The following RSPH4A variants were observed in gnomAD, a reference collection of about 807,000 sequenced individuals.
RSPH4A encodes radial spoke head component 4A.
In RSPH4A, 47 loss-of-function variants were observed where a neutral mutation model predicts 71.0. The observed-to-expected ratio is 0.66, with a 90% CI of 0.52 to 0.84. The LOEUF is 0.84. Among genes scored for constraint, RSPH4A ranks in the 40% least tolerant of loss-of-function variants. The pLI is 0.00. For synonymous variants in RSPH4A, 282 were observed against 302.3 expected, an observed-to-expected ratio of 0.93 and a Z score of 0.70; for missense variants, 793 against 855.2, an observed-to-expected ratio of 0.93 and a Z score of 0.91.
At chr6:116,619,867 T>C (rs1246831474) in intron 1 of RSPH4A, among the ~76,000 whole-genome samples, 3 of 152,126 alleles carry the variant, frequency 2.0e-5, no homozygotes, top group Non-Finnish European at 4.4e-5. Context: ...TACAGGCGCC[T>C]GCCACCACAC....
chr6:116,622,715 T>C, intron 1 of RSPH4A, 53 bp from the exon 2 acceptor site: 2 of 1,187,916 alleles, frequency 1.7e-6, no homozygotes, highest in South Asian at 2.5e-5. Context: ...GAAAAATGCT[T>C]CTTCAAATGC....
chr6:116,616,965 G>C lies in RSPH4A; in HGVS notation c.342G>C (p.Thr114=). ...LAAPPQSDRT[T]SVIPEAGTPY... ...CACCACCTCAGTCGGACAGGACCAC[G>C]AGTGTGATTCCTGAAGCTGGGACAC... is the stretch of plus-strand genomic sequence containing the variant. Residue 114 remains threonine, a synonymous_variant, in exon 1 of 6, where the codon ACG becomes ACC. Coordinates refer to ENST00000229554, the MANE Select transcript of RSPH4A (RefSeq NM_001010892.3). The C allele has an allele frequency of 1.2e-6, 2 of 1,614,206 alleles. No individual in the cohort carries two copies. The highest frequency in any genetic ancestry group is 1.7e-6 in the Non-Finnish European group (2 of 1,180,024).
chr6:116,630,870 T>TTTTTTTTTC (rs1554249740), intron 5 of RSPH4A, among the ~76,000 whole-genome samples: 9 of 144,804 alleles, frequency 6.2e-5, no homozygotes, highest in Admixed American at 1.4e-4. Flanking sequence ...TTTTTTTTTT[T>TTTTTTTTTC]AGTAGAGACA....
At chr6:116,623,135 G>A (rs1775639760) in intron 2 of RSPH4A, 133 bp downstream of exon 2, 4 of 691,978 alleles carry the variant, frequency 5.8e-6, no homozygotes, top group Non-Finnish European at 1.0e-5. Flanking sequence ...GTTTAGACAG[G>A]CTCCCAGGCT....
chr6:116,632,555 T>C lies in RSPH4A; in HGVS notation c.*114T>C, dbSNP rs1336912283. On this transcript the variant is annotated 3_prime_UTR_variant, in exon 6 of 6. Transcript: ENST00000229554. ...TGTATATACATACACATGTAAGAAA[T>C]TATTCAACTGCAAAATCTCAATCTT... 1.5e-6 allele frequency: 2 copies of C among 1,297,492 alleles called. No homozygotes were observed. Among genetic ancestry groups the C allele is most frequent in the African/African-American group, 3.0e-5 (2 of 66,484 alleles). 80.4% of individuals were successfully genotyped at this position (1,297,492 alleles called of 1,614,324 possible).
rs984700999 is a variant in RSPH4A at position 116,632,643 on chromosome 6, G to A, written c.*202G>A. On this transcript the variant is annotated 3_prime_UTR_variant, in exon 6 of 6. Transcript: ENST00000229554. ...GCATTTTTATTGAAAGATACTCACA[G>A]GATTTTCCAGAGGCTAAATAACATG... 21 of 614,140 alleles carry A rather than the reference G, an allele frequency of 3.4e-5. No individual in the cohort carries two copies. Among genetic ancestry groups the A allele is most frequent in the African/African-American group, 5.6e-5 (3 of 53,746 alleles). 38.0% of individuals were successfully genotyped at this position (614,140 alleles called of 1,614,324 possible). A position where few individuals can be genotyped will look rare whatever the true frequency, so the allele number is the denominator to read the frequency against.
At position 116,628,319 on chromosome 6, in the gene RSPH4A, G is replaced by A. The variant is rs781115306; in HGVS notation, c.1612G>A (p.Val538Ile). Residue 538 changes from valine to isoleucine, a missense_variant, in exon 3 of 6, where the codon GTA becomes ATA. Coordinates refer to ENST00000229554, the MANE Select transcript of RSPH4A (RefSeq NM_001010892.3). ...DFEGIQVIDLVESLSNWVHHV... is the reference protein window; with the variant it reads ...DFEGIQVIDLIESLSNWVHHV... ...TGAAGGCATCCAAGTGATTGATCTA[G>A]TAGAATCCCTATCCAATTGGGTTCA... The A allele has an allele frequency of 1.2e-6, 2 of 1,612,924 alleles. No homozygotes were observed. Among genetic ancestry groups the A allele is most frequent in the South Asian group, 1.1e-5 (1 of 90,964 alleles).
rs771315690 is a variant in RSPH4A at position 116,628,254 on chromosome 6, C to T, written c.1547C>T (p.Ala516Val). 28 of 1,611,694 alleles carry T rather than the reference C, an allele frequency of 1.7e-5. No homozygotes were observed. The Middle Eastern group carries it at 9.9e-4, about 57-fold the overall frequency. The change falls in exon 3 of 6, where the codon GCA becomes GTA. Residue 516 changes from alanine to valine, a missense_variant. Ala to Val is a moderately conservative substitution (Grantham distance 64). Coordinates refer to ENST00000229554, the MANE Select transcript of RSPH4A (RefSeq NM_001010892.3). Reference sequence around the variant, plus strand: ...GAGGAAGGAGAGGAGGAGGAAGAGGCAGAAGGTGGGCGAAATAGCTTTGAG... The same window carrying T: ...GAGGAAGGAGAGGAGGAGGAAGAGGTAGAAGGTGGGCGAAATAGCTTTGAG... ...GEEEGEEEEE[A>V]EGGRNSFEEN...
intron 1 of RSPH4A, among the ~76,000 whole-genome samples, chr6:116,618,402 C>A (rs1421140393): frequency 1.3e-5 from 2 of 152,200 alleles, no homozygotes; most frequent in East Asian, 3.8e-4. Flanking sequence ...ATTTTGTATA[C>A]CACTATATAC....
Position 116,632,243 on chromosome 6 carries a change from G to A in RSPH4A, c.1953G>A (p.Lys651=). The A allele has an allele frequency of 1.2e-6, 2 of 1,611,778 alleles. No homozygotes were observed. Among genetic ancestry groups the A allele is most frequent in the South Asian group, 1.1e-5 (1 of 90,994 alleles). The part of the protein sequence containing the change: ...FENFYIGWGH[K]YSPDNYTPPV... ...ATTTCTACATAGGCTGGGGTCATAA[G>A]TATAGTCCAGACAATTATACACCCC... Residue 651 remains lysine, a synonymous_variant, in exon 6 of 6, where the codon AAG becomes AAA. Transcript: ENST00000229554.
intron 2 of RSPH4A, among the ~76,000 whole-genome samples, chr6:116,627,334 G>A (rs1775712912): frequency 6.6e-6 from 1 of 152,066 alleles, no homozygotes; most frequent in South Asian, 2.1e-4. Flanking sequence ...CAAGTAGCTG[G>A]GACTACAGGC....
chr6:116,620,378 T>G (rs1028640565), intron 1 of RSPH4A, among the ~76,000 whole-genome samples: 4 of 152,198 alleles, frequency 2.6e-5, no homozygotes, highest in Non-Finnish European at 5.9e-5. Flanking sequence ...TGCCTACAGT[T>G]TAAAATTGTT....
chr6:116,625,578 A>AG (rs34575347), intron 2 of RSPH4A, among the ~76,000 whole-genome samples: 87,594 of 151,982 alleles, frequency 0.58, 25,416 homozygotes, highest in South Asian at 0.65. Context: ...GAATGGGGCC[A>AG]GAGGAGAACG....
rs1225297334 is a variant in RSPH4A, at chr6:116,630,621, T to C, written c.1916+69T>C. The C allele has an allele frequency of 5.1e-6, 4 of 790,860 alleles. No homozygotes were observed. The African/African-American group carries it at 5.1e-5, about 10-fold the overall frequency. The allele number at this position is 790,860 out of a possible 1,614,324, so 49.0% of individuals were successfully genotyped here. On this transcript the variant is annotated intron_variant, in intron 5 of 5. Transcript: ENST00000229554. ...AGCTCTGGAAATTATAAATAACCACTAGAATGTTAAGCTACTATCGTTGTT... is the reference window on the plus strand; with the variant it reads ...AGCTCTGGAAATTATAAATAACCACCAGAATGTTAAGCTACTATCGTTGTT...
rs751079444 is a variant in RSPH4A, at chr6:116,617,289, C to G, written c.666C>G (p.Ser222Arg). The G allele has an allele frequency of 1.2e-6, 2 of 1,612,062 alleles. No individual in the cohort carries two copies. The highest frequency in any genetic ancestry group is 1.1e-5 in the South Asian group (1 of 90,790). ...CTAAGGCTTACCTGCTGAAGACTAG[C>G]AGCAATTCGGGCTTTAATCTGTAAG... ...QNAKAYLLKT[S>R]SNSGFNLYDH... Residue 222 changes from serine (S) to arginine (R), a missense_variant, in exon 1 of 6, where the codon AGC (serine) becomes AGG (arginine). By Grantham distance (110) the Ser-to-Arg change is moderately radical. Coordinates refer to ENST00000229554, the MANE Select transcript of RSPH4A (RefSeq NM_001010892.3).
In RSPH4A at chr6:116,620,760, C is replaced by T. The variant is rs560028503; in HGVS notation, c.687-2008C>T. ...AGAGAGTCCCTGATGTGATGCCATC[C>T]ACAGCTGCTACTGAAGCAAATCAAA... On this transcript the variant is annotated intron_variant, in intron 1 of 5. Coordinates refer to ENST00000229554, the MANE Select transcript of RSPH4A (RefSeq NM_001010892.3). Among the ~76,000 whole-genome samples the T allele has an allele frequency of 2.0e-5, 3 of 152,248 alleles. No homozygotes were observed. The South Asian group carries it at 6.2e-4, about 32-fold the overall frequency.
chr6:116,627,955 T>C lies in RSPH4A; in HGVS notation c.1248T>C (p.Ala416=), dbSNP rs758942449. The change falls in exon 3 of 6, where the codon GCT becomes GCC. Residue 416 remains alanine, a synonymous_variant. Coordinates refer to ENST00000229554, the MANE Select transcript of RSPH4A (RefSeq NM_001010892.3). ...AGTCCTTTTACAAGGCCCCACAGGC[T>C]ATACCAAAAGAAGAAAGTAGAACAG... ...LPKSFYKAPQ[A]IPKEESRTGA... The C allele has an allele frequency of 2.7e-5, 43 of 1,614,182 alleles. No homozygotes were observed. Among genetic ancestry groups the C allele is most frequent in the Non-Finnish European group, 3.5e-5 (41 of 1,180,020 alleles).
chr6:116,632,366 A>AC lies in RSPH4A; in HGVS notation c.2077dup (p.Gln693ProfsTer9). The stretch of plus-strand genomic sequence containing the variant: ...AGGAGGAGCAGGCTTTCAGGGCTGC[A>AC]CAAGAAGCAGTTCTACTCGCAGCTG... On this transcript the variant is annotated frameshift_variant, in exon 6 of 6. Coordinates refer to ENST00000229554, the MANE Select transcript of RSPH4A (RefSeq NM_001010892.3). LOFTEE classifies it high-confidence loss of function. The AC allele has an allele frequency of 6.2e-7, 1 of 1,614,126 alleles. No homozygotes were observed. Among genetic ancestry groups the AC allele is most frequent in the South Asian group, 1.1e-5 (1 of 91,082 alleles).
chr6:116,629,923 C>T (rs1307926897), intron 4 of RSPH4A, among the ~76,000 whole-genome samples: 3 of 152,180 alleles, frequency 2.0e-5, no homozygotes, highest in Admixed American at 1.3e-4. Context: ...AGACAGGAAA[C>T]ATAAGTTGGC....
Sources: allele counts gnomAD v4.1 joint callset (sites outside exome capture counted in the v4.1 genomes callset), GRCh38; gene constraint gnomAD v4.1.1; transcripts MANE v1.5; gene names NCBI Gene and HGNC (gene_info 2026-07-23, HGNC 2026-07-21).